Variants in UBR3 observed in about 807,000 individuals in gnomAD.
The protein encoded by UBR3 is ubiquitin protein ligase E3 component n-recognin 3, also known as E3 ubiquitin-protein ligase UBR3.
Under a neutral mutation model 243.2 loss-of-function variants are expected in UBR3, and 85 were observed. The ratio of observed to expected loss-of-function variants is 0.35; its 90% CI spans 0.29 to 0.42. The LOEUF is 0.42. UBR3 is among the 10% of genes least tolerant of loss of function. The pLI, the probability that UBR3 is intolerant of heterozygous loss-of-function variation, is 1.00. For synonymous variants in UBR3, 748 were observed against 799.8 expected (o/e 0.94, Z 1.09); for missense variants, 1,686 against 2,300.8 (o/e 0.73, Z 5.47).
intron 30 of UBR3, among the ~76,000 whole-genome samples, chr2:170,019,608 C>T (rs1488493778): frequency 1.3e-5 from 2 of 151,904 alleles, no homozygotes; most frequent in African/African-American, 4.8e-5. Context: ...TCGCTTAAGC[C>T]CAGAAGGTGG....
chr2:169,828,158 T>G (rs1395058320), intron 1 of UBR3, 106 bp downstream of exon 1: 45 of 1,017,392 alleles, frequency 4.4e-5, no homozygotes, highest in Admixed American at 1.9e-4. Context: ...AAGGGGAGGG[T>G]GCGGGGGAGG....
Position 170,050,058 on chromosome 2 carries a change from A to G in UBR3, c.4661-5402A>G, listed in dbSNP as rs1340066068. Among the ~76,000 whole-genome samples the G allele has an allele frequency of 4.6e-5, 7 of 152,346 alleles. No homozygotes were observed. The East Asian group carries it at 7.7e-4, about 17-fold the overall frequency. ...GACCCAAAATTCAATTGCCTGAAGT[A>G]TACCCAAAGGACCAGCATTTACTAC... On this transcript the variant is annotated intron_variant, in intron 32 of 38. Coordinates refer to ENST00000272793, the MANE Select transcript of UBR3 (RefSeq NM_172070.4).
In UBR3 at chr2:169,946,412, T is replaced by G; in HGVS notation, c.2910+20T>G. 1 of 1,408,052 alleles carries G rather than the reference T, an allele frequency of 7.1e-7. No homozygotes were observed. Among genetic ancestry groups the G allele is most frequent in the Non-Finnish European group, 9.5e-7 (1 of 1,052,380 alleles). 87.2% of individuals were successfully genotyped at this position (1,408,052 alleles called of 1,614,324 possible). A position where few individuals can be genotyped will look rare whatever the true frequency, so the allele number is the denominator to read the frequency against. ...GAAGAGGTAAGTAGTTTTTATAATT[T>G]AAAATTTTTAGATAGGCAGCCCCTA... On this transcript the variant is annotated intron_variant, in intron 21 of 38. Transcript: ENST00000272793.
intron 8 of UBR3, among the ~76,000 whole-genome samples, chr2:169,899,497 T>C (rs1247929409): frequency 1.3e-5 from 2 of 152,136 alleles, no homozygotes; most frequent in African/African-American, 4.8e-5. Flanking sequence ...AAAATGGTGT[T>C]TTTTTTAAAT....
rs1559012266 is a variant in UBR3 at position 169,845,522 on chromosome 2, GTCGTCGTCGTCTTCT to G, written c.545+17473_545+17487del. On this transcript the variant is annotated intron_variant, in intron 1 of 38. Coordinates refer to ENST00000272793, the MANE Select transcript of UBR3 (RefSeq NM_172070.4). Reference sequence around the variant, plus strand: ...CGTCATCGTCGTCGTCGTCGTCGTCGTCGTCGTCGTCTTCTTCTTCTTCTTCTTCTTTCTTCTTCT... The same window carrying G: ...CGTCATCGTCGTCGTCGTCGTCGTCGTCTTCTTCTTCTTCTTTCTTCTTCT... Among the ~76,000 whole-genome samples the G allele has an allele frequency of 5.0e-4, 65 of 128,770 alleles. 1 individual carries two copies. In the East Asian group the frequency reaches 0.013, roughly 25 times the overall value. 84.5% of individuals were successfully genotyped at this position (128,770 alleles called of 152,430 possible). A position where few individuals can be genotyped will look rare whatever the true frequency, so the allele number is the denominator to read the frequency against.
intron 10 of UBR3, 26 bp from the exon 11 acceptor site, chr2:169,914,034 T>C: frequency 8.9e-7 from 1 of 1,128,012 alleles, no homozygotes; most frequent in Non-Finnish European, 1.2e-6. Context: ...TATCATAAAT[T>C]TATTATATAT....
In UBR3 at chr2:170,007,287, A is replaced by G. The variant is rs111501224; in HGVS notation, c.4230+97A>G. The G allele has an allele frequency of 1.7e-5, 22 of 1,309,540 alleles. No homozygotes were observed. In the African/African-American group the frequency reaches 2.1e-4, roughly 12 times the overall value. 81.1% of individuals were successfully genotyped at this position (1,309,540 alleles called of 1,614,324 possible). On this transcript the variant is annotated intron_variant, in intron 28 of 38. Coordinates refer to ENST00000272793, the MANE Select transcript of UBR3 (RefSeq NM_172070.4). ...TTTATAAATTACTCTGGACTTTTACATATTTAGTAGAAATTGCTTTTAGAG... is the reference window on the plus strand; with the variant it reads ...TTTATAAATTACTCTGGACTTTTACGTATTTAGTAGAAATTGCTTTTAGAG...
intron 24 of UBR3, among the ~76,000 whole-genome samples, chr2:169,959,694 G>A (rs2087476016): frequency 6.6e-6 from 1 of 152,100 alleles, no homozygotes; most frequent in Admixed American, 6.6e-5. Flanking sequence ...AGAAAAGCTA[G>A]TACCATAGTT....
intron 29 of UBR3, chr2:170,014,935 T>G (rs2090189966): frequency 6.0e-6 from 1 of 165,910 alleles, no homozygotes; most frequent in Admixed American, 6.2e-5. Flanking sequence ...AAATTCTTTC[T>G]TCATATTCAT....
At chr2:170,058,277 A>G (rs556539036) in intron 33 of UBR3, among the ~76,000 whole-genome samples, 1 of 152,070 alleles carries the variant, frequency 6.6e-6, no homozygotes, top group African/African-American at 2.4e-5. Flanking sequence ...ATGAAAACGT[A>G]TTTTTGCCAG....
intron 27 of UBR3, among the ~76,000 whole-genome samples, chr2:170,004,140 T>C (rs929103624): frequency 5.9e-5 from 9 of 152,080 alleles, no homozygotes; most frequent in Admixed American, 2.6e-4. Flanking sequence ...ATTGTGACAG[T>C]TGTGGAGAAA....
chr2:169,836,067 A>ATATATTTT lies in UBR3; in HGVS notation c.545+8016_545+8017insATATTTTT, dbSNP rs1558999159. Among the ~76,000 whole-genome samples, 8 of 32,664 alleles carry ATATATTTT rather than the reference A, an allele frequency of 2.4e-4. 1 individual carries two copies. Among genetic ancestry groups the ATATATTTT allele is most frequent in the African/African-American group, 2.4e-4 (2 of 8,392 alleles). 21.4% of individuals were successfully genotyped at this position (32,664 alleles called of 152,430 possible). A position where few individuals can be genotyped will look rare whatever the true frequency, so the allele number is the denominator to read the frequency against. On this transcript the variant is annotated intron_variant, in intron 1 of 38. Transcript: ENST00000272793. ...TCTATATATATATATATATATATATATTTTTTTTTTTTTTTTTTTTTTTTT... is the reference window on the plus strand; with the variant it reads ...TCTATATATATATATATATATATATATATATTTTTTTTTTTTTTTTTTTTTTTTTTTTT...
intron 5 of UBR3, among the ~76,000 whole-genome samples, chr2:169,884,989 C>G (rs2084034647): frequency 6.6e-6 from 1 of 152,134 alleles, no homozygotes; most frequent in Admixed American, 6.6e-5. Flanking sequence ...GAACAAATAA[C>G]TATTTTATGC....
chr2:169,966,286 C>A (rs1408922012), intron 24 of UBR3, among the ~76,000 whole-genome samples: 1 of 152,124 alleles, frequency 6.6e-6, no homozygotes, highest in Admixed American at 6.5e-5. Flanking sequence ...TGAAATGCAA[C>A]AGAATTACGT....
chr2:169,861,674 T>C (rs1228922762), intron 1 of UBR3, among the ~76,000 whole-genome samples: 1 of 152,062 alleles, frequency 6.6e-6, no homozygotes, highest in African/African-American at 2.4e-5. Context: ...AAATGTTTTC[T>C]TGTCAATTTT....
intron 31 of UBR3, among the ~76,000 whole-genome samples, chr2:170,038,316 T>C (rs573325179): frequency 6.6e-6 from 1 of 152,350 alleles, no homozygotes; most frequent in East Asian, 1.9e-4. Flanking sequence ...TAAACACCTG[T>C]TAAATTTAAT....
chr2:170,037,007 G>T (rs1033382218), intron 31 of UBR3, among the ~76,000 whole-genome samples: 8 of 152,190 alleles, frequency 5.3e-5, no homozygotes, highest in Non-Finnish European at 8.8e-5. Flanking sequence ...TCACTTTAGA[G>T]TTTTCTCATG....
intron 36 of UBR3, among the ~76,000 whole-genome samples, chr2:170,075,924 A>C (rs1326866089): frequency 2.6e-5 from 4 of 152,234 alleles, no homozygotes; most frequent in Non-Finnish European, 4.4e-5. Flanking sequence ...AAAAAAAAAA[A>C]AAAACAGGAT....
intron 27 of UBR3, among the ~76,000 whole-genome samples, chr2:170,004,550 C>T (rs79973801): frequency 1.5e-3 from 228 of 152,158 alleles, no homozygotes; most frequent in African/African-American, 5.0e-3. Context: ...TAACCTCATG[C>T]TCCTAGAGTA....
Sources: allele counts gnomAD v4.1 joint callset (sites outside exome capture counted in the v4.1 genomes callset), GRCh38; gene constraint gnomAD v4.1.1; transcripts MANE v1.5; gene names NCBI Gene and HGNC (gene_info 2026-07-23, HGNC 2026-07-21).